Variants in TBX4 observed in about 807,000 individuals in gnomAD.
TBX4 encodes T-box transcription factor 4.
In TBX4, 13 loss-of-function variants were observed where a neutral mutation model predicts 54.6. That is an observed-to-expected ratio of 0.24 (90% CI 0.15 to 0.38). The LOEUF (loss-of-function observed/expected upper bound fraction) is 0.38. TBX4 is among the 10% of genes least tolerant of loss of function. TBX4 has a pLI of 1.00. For missense variants in TBX4, 631 were observed against 728.5 expected (o/e 0.87, Z 1.54); for synonymous variants, 314 against 306.7 (o/e 1.02, Z -0.25).
In TBX4 at chr17:61,465,992, GC is replaced by G. The variant is rs2060534453; in HGVS notation, c.401+59del. The G allele has an allele frequency of 9.3e-6, 15 of 1,609,408 alleles. No homozygotes were observed. The South Asian group carries it at 1.2e-4, about 13-fold the overall frequency. ...GTTCCCTCAACTGCCCACTTGCCACGCCCCCACCTAGTGTTTTGTCCGGGGG... is the reference window on the plus strand; with the variant it reads ...GTTCCCTCAACTGCCCACTTGCCACGCCCCACCTAGTGTTTTGTCCGGGGG... On this transcript the variant is annotated intron_variant, in intron 4 of 8. Transcript: ENST00000644296. The surrounding 1 kb of genome is among the most constrained non-coding windows in gnomAD (Gnocchi z 4.9).
rs2060584497 is a variant in TBX4 at position 61,472,131 on chromosome 17, T to C, written c.549+4474T>C. 6.6e-6 allele frequency among the ~76,000 whole-genome samples: 1 copy of C among 152,236 alleles called. No homozygotes were observed. The highest frequency in any genetic ancestry group is 2.4e-5 in the African/African-American group (1 of 41,458). ...AGGAATTAGATGTTTTTTTATTCTTTGCTCTTCTGATTAAGCTTGTACATA... is the reference window on the plus strand; with the variant it reads ...AGGAATTAGATGTTTTTTTATTCTTCGCTCTTCTGATTAAGCTTGTACATA... On this transcript the variant is annotated intron_variant, in intron 5 of 8. Coordinates refer to ENST00000644296, the MANE Select transcript of TBX4 (RefSeq NM_001321120.2). The surrounding 1 kb of genome is among the most constrained non-coding windows in gnomAD (Gnocchi z 4.5).
At position 61,457,417 on chromosome 17, in the gene TBX4, G is replaced by T; in HGVS notation, c.187-120G>T. ...ATCGTTCTGTGAAACGAAATCTGGA[G>T]CCATGGGCTCCGGGCGGGCAGGGTT... On this transcript the variant is annotated intron_variant, in intron 2 of 8. Coordinates refer to ENST00000644296, the MANE Select transcript of TBX4 (RefSeq NM_001321120.2). The surrounding 1 kb of genome is among the most constrained non-coding windows in gnomAD (Gnocchi z 8.2). The T allele has an allele frequency of 1.2e-6, 1 of 834,576 alleles. No individual in the cohort carries two copies. Among genetic ancestry groups the T allele is most frequent in the South Asian group, 1.4e-5 (1 of 70,544 alleles). The allele number at this position is 834,576 out of a possible 1,614,324, so 51.7% of individuals were successfully genotyped here. A position where few individuals can be genotyped will look rare whatever the true frequency, so the allele number is the denominator to read the frequency against.
At position 61,459,111 on chromosome 17, in the gene TBX4, G is replaced by A. The variant is rs917124527; in HGVS notation, c.281+1480G>A. The stretch of plus-strand genomic sequence containing the variant: ...GAGCTTGCTGTATTTTGGGGATGGA[G>A]ATAGGGAAGGAAGACACATGAAGGG... On this transcript the variant is annotated intron_variant, in intron 3 of 8. Transcript: ENST00000644296. This position sits in a 1 kb window ranked among gnomAD's most constrained non-coding sequence, Gnocchi z 4.8. Among the ~76,000 whole-genome samples, 2 of 152,234 alleles carry A rather than the reference G, an allele frequency of 1.3e-5. No homozygotes were observed. The highest frequency in any genetic ancestry group is 4.8e-5 in the African/African-American group (2 of 41,474).
chr17:61,468,932 C>A (rs1329426488), intron 5 of TBX4, among the ~76,000 whole-genome samples: 1 of 152,162 alleles, frequency 6.6e-6, no homozygotes, highest in Non-Finnish European at 1.5e-5. Flanking sequence ...CTATGCTTGG[C>A]CAGGCTGTGG....
At position 61,457,369 on chromosome 17, in the gene TBX4, T is replaced by C. The variant is rs1233954806; in HGVS notation, c.187-168T>C. Among the ~76,000 whole-genome samples the C allele has an allele frequency of 6.6e-6, 1 of 152,144 alleles. No individual in the cohort carries two copies. Among genetic ancestry groups the C allele is most frequent in the Admixed American group, 6.5e-5 (1 of 15,286 alleles). On this transcript the variant is annotated intron_variant, in intron 2 of 8. Coordinates refer to ENST00000644296, the MANE Select transcript of TBX4 (RefSeq NM_001321120.2). The surrounding 1 kb of genome is among the most constrained non-coding windows in gnomAD (Gnocchi z 8.2). ...GAAGTTTTAGCCACCGATTAATTCT[T>C]TTATATTCACGAATAGTTCAAAATC... is the stretch of plus-strand genomic sequence containing the variant.
intron 3 of TBX4, among the ~76,000 whole-genome samples, chr17:61,458,399 C>G (rs895670539): frequency 1.3e-5 from 2 of 151,918 alleles, no homozygotes; most frequent in African/African-American, 4.8e-5. Flanking sequence ...TAGACAGAGA[C>G]GCTGGCAAGT....
rs143027472 is a variant in TBX4, at chr17:61,483,120, G to A, written c.1245G>A (p.Pro415=). Residue 415 remains proline (P), a synonymous_variant, in exon 9 of 9, where the codon CCG becomes CCA. Coordinates refer to ENST00000644296, the MANE Select transcript of TBX4 (RefSeq NM_001321120.2). The surrounding 1 kb of genome is among the most constrained non-coding windows in gnomAD (Gnocchi z 6.6). ...VSGVDDLPPP[P]LSCNMWTSVS... ...GGGTGGACGACCTGCCCCCACCTCC[G>A]CTGAGCTGTAACATGTGGACTTCAG... The A allele has an allele frequency of 2.4e-5, 39 of 1,614,054 alleles. No homozygotes were observed. Among genetic ancestry groups the A allele is most frequent in the Middle Eastern group, 1.6e-4 (1 of 6,062 alleles).
rs2060655231 is a variant in TBX4, at chr17:61,480,357, A to G, written c.1021+38A>G. The G allele has an allele frequency of 6.6e-6, 10 of 1,520,830 alleles. No homozygotes were observed. The highest frequency in any genetic ancestry group is 8.1e-6 in the Non-Finnish European group (9 of 1,115,212). The allele number at this position is 1,520,830 out of a possible 1,614,324, so 94.2% of individuals were successfully genotyped here. A position where few individuals can be genotyped will look rare whatever the true frequency, so the allele number is the denominator to read the frequency against. On this transcript the variant is annotated intron_variant, in intron 8 of 8. Transcript: ENST00000644296. This position sits in a 1 kb window ranked among gnomAD's most constrained non-coding sequence, Gnocchi z 6.2. ...TGGTCTAGAAGCCCTAGAGGGTAAG[A>G]GGAGCGGTGAGGTTCTCCCCGAAAC...
In TBX4 at chr17:61,474,982, G is replaced by T. The variant is rs2060609097; in HGVS notation, c.550-3645G>T. Among the ~76,000 whole-genome samples, 1 of 152,212 alleles carries T rather than the reference G, an allele frequency of 6.6e-6. No individual in the cohort carries two copies. Among genetic ancestry groups the T allele is most frequent in the Non-Finnish European group, 1.5e-5 (1 of 68,034 alleles). ...TAGTCAAAGGCCCCACTTCATAGATGGGGACCCCAATGGTTGGAGAAGGAG... is the reference window on the plus strand; with the variant it reads ...TAGTCAAAGGCCCCACTTCATAGATTGGGACCCCAATGGTTGGAGAAGGAG... On this transcript the variant is annotated intron_variant, in intron 5 of 8. Transcript: ENST00000644296. The surrounding 1 kb of genome is among the most constrained non-coding windows in gnomAD (Gnocchi z 4.6).
chr17:61,456,361 C>A, intron 1 of TBX4, 127 bp from the exon 2 acceptor site: 1 of 1,273,010 alleles, frequency 7.9e-7, no homozygotes, highest in Non-Finnish European at 1.1e-6. Flanking sequence ...CAGGAGGGGG[C>A]GGGGTCCACG....
In TBX4 at chr17:61,483,475, C is replaced by T. The variant is rs1160795966; in HGVS notation, c.1600C>T (p.His534Tyr). 16 of 1,614,052 alleles carry T rather than the reference C, an allele frequency of 9.9e-6. No homozygotes were observed. The highest frequency in any genetic ancestry group is 1.4e-5 in the Non-Finnish European group (16 of 1,180,048). Residue 534 changes from histidine (H) to tyrosine (Y), a missense_variant, in exon 9 of 9, where the codon CAT (histidine) becomes TAT (tyrosine). This residue lies in a region of TBX4 where 354 missense variants were observed against 368.9 expected (regional missense o/e 0.96). Transcript: ENST00000644296. The surrounding 1 kb of genome is among the most constrained non-coding windows in gnomAD (Gnocchi z 6.6). ...SLSRESSLQY[H>Y]SGMGTVENWT... ...GTCCCGAGAATCTTCCTTACAGTAC[C>T]ATTCAGGAATGGGGACTGTGGAGAA...
chr17:61,462,570 C>T lies in TBX4; in HGVS notation c.282-3249C>T, dbSNP rs558201012. On this transcript the variant is annotated intron_variant, in intron 3 of 8. Transcript: ENST00000644296. This position sits in a 1 kb window ranked among gnomAD's most constrained non-coding sequence, Gnocchi z 4.5. ...GTGCAGGGAGGGGAGAGGGGGAGCG[C>T]GCAAGGAGGGGGCTGGCTGGGGCGG... is the stretch of plus-strand genomic sequence containing the variant. Among the ~76,000 whole-genome samples, 2 of 147,082 alleles carry T rather than the reference C, an allele frequency of 1.4e-5. No individual in the cohort carries two copies. The highest frequency in any genetic ancestry group is 4.3e-4 in the South Asian group (2 of 4,606).
At chr17:61,456,154 G>A (rs1040601056) in intron 1 of TBX4, among the ~76,000 whole-genome samples, 9 of 152,196 alleles carry the variant, frequency 5.9e-5, no homozygotes, top group Admixed American at 3.9e-4. Flanking sequence ...AGGCTCCACC[G>A]GAGCTCAGTA....
chr17:61,463,984 G>T (rs921632076), intron 3 of TBX4, among the ~76,000 whole-genome samples: 1 of 152,224 alleles, frequency 6.6e-6, no homozygotes, highest in Non-Finnish European at 1.5e-5. Flanking sequence ...CCCATAGGGG[G>T]GCTGGTAAGC....
At position 61,466,752 on chromosome 17, in the gene TBX4, G is replaced by A. The variant is rs145923509; in HGVS notation, c.402-758G>A. On this transcript the variant is annotated intron_variant, in intron 4 of 8. Transcript: ENST00000644296. ...AGAACTCAGAGCAGGCTCTGGCTGCGGGGAGAGCTACCAATTAATTTCTTA... is the reference window on the plus strand; with the variant it reads ...AGAACTCAGAGCAGGCTCTGGCTGCAGGGAGAGCTACCAATTAATTTCTTA... 1.2e-3 allele frequency among the ~76,000 whole-genome samples: 178 copies of A among 152,344 alleles called. 2 individuals carry two copies. Among genetic ancestry groups the A allele is most frequent in the African/African-American group, 4.1e-3 (169 of 41,568 alleles).
At position 61,478,541 on chromosome 17, in the gene TBX4, C is replaced by A. The variant is rs1212546439; in HGVS notation, c.550-86C>A. 1.9e-5 allele frequency: 30 copies of A among 1,585,150 alleles called. No homozygotes were observed. The highest frequency in any genetic ancestry group is 1.7e-4 in the Middle Eastern group (1 of 5,958). ...TGGGCTTTGAGGAGAATGAGAAAAA[C>A]CAGGCCAGGGCCAGAAGAATGAGGT... On this transcript the variant is annotated intron_variant, in intron 5 of 8. Coordinates refer to ENST00000644296, the MANE Select transcript of TBX4 (RefSeq NM_001321120.2). The surrounding 1 kb of genome is among the most constrained non-coding windows in gnomAD (Gnocchi z 7.4).
At position 61,472,098 on chromosome 17, in the gene TBX4, C is replaced by A. The variant is rs1402842532; in HGVS notation, c.549+4441C>A. ...TGTTTCAGAAATCATGTAGCCAGTT[C>A]TTGTTGAAGGAATTAGATGTTTTTT... On this transcript the variant is annotated intron_variant, in intron 5 of 8. Coordinates refer to ENST00000644296, the MANE Select transcript of TBX4 (RefSeq NM_001321120.2). This position sits in a 1 kb window ranked among gnomAD's most constrained non-coding sequence, Gnocchi z 4.5. 1.3e-5 allele frequency among the ~76,000 whole-genome samples: 2 copies of A among 152,022 alleles called. No individual in the cohort carries two copies. The highest frequency in any genetic ancestry group is 4.8e-5 in the African/African-American group (2 of 41,384).
At position 61,468,277 on chromosome 17, in the gene TBX4, C is replaced by T. The variant is rs147265694; in HGVS notation, c.549+620C>T. Among the ~76,000 whole-genome samples the T allele has an allele frequency of 8.2e-3, 1,254 of 152,328 alleles. 22 individuals carry two copies. The highest frequency in any genetic ancestry group is 0.029 in the African/African-American group (1,189 of 41,562). ...GAAGCCCCAGGGATGCTGCTGACGC[C>T]CCATCCAGGCAGCCCAAGCTCATTC... On this transcript the variant is annotated intron_variant, in intron 5 of 8. Transcript: ENST00000644296.
chr17:61,461,189 C>T lies in TBX4; in HGVS notation c.281+3558C>T, dbSNP rs1487418855. 6.6e-6 allele frequency among the ~76,000 whole-genome samples: 1 copy of T among 152,206 alleles called. No homozygotes were observed. The highest frequency in any genetic ancestry group is 1.5e-5 in the Non-Finnish European group (1 of 68,030). Reference sequence around the variant, plus strand: ...AGAAGCAACCGATCTTCCAAAACAACATCCATTCCACACACTCTCACCCCT... The same window carrying T: ...AGAAGCAACCGATCTTCCAAAACAATATCCATTCCACACACTCTCACCCCT... On this transcript the variant is annotated intron_variant, in intron 3 of 8. Coordinates refer to ENST00000644296, the MANE Select transcript of TBX4 (RefSeq NM_001321120.2). The surrounding 1 kb of genome is among the most constrained non-coding windows in gnomAD (Gnocchi z 5.1).
Sources: gnomAD v4.1 joint callset for allele counts (sites outside exome capture counted in the v4.1 genomes callset) on GRCh38, gnomAD v4.1.1 for gene constraint, gnomAD v4.1.1 regional missense constraint, Gnocchi (gnomAD v3.1) non-coding constraint, MANE v1.5 for transcripts, NCBI Gene and HGNC (gene_info 2026-07-23, HGNC 2026-07-21) for gene names.